Variants in RALGAPA2 observed in about 807,000 individuals in gnomAD.
RALGAPA2 encodes ral GTPase-activating protein subunit alpha-2.
In RALGAPA2, 139 loss-of-function variants were observed where a neutral mutation model predicts 230.4. The ratio of observed to expected loss-of-function variants is 0.60; its 90% CI spans 0.53 to 0.69. RALGAPA2 has a LOEUF of 0.69. Ranked by LOEUF, RALGAPA2 falls within the 30% of genes least tolerant of loss-of-function variation. The pLI, the probability that RALGAPA2 is intolerant of heterozygous loss-of-function variation, is 0.00. For synonymous variants in RALGAPA2, 847 were observed against 837.8 expected, an observed-to-expected ratio of 1.01 and a Z score of -0.19; for missense variants, 2,163 against 2,276.0, an observed-to-expected ratio of 0.95 and a Z score of 1.01.
chr20:20,645,781 C>G (rs1241322675), intron 4 of RALGAPA2, among the ~76,000 whole-genome samples: 2 of 152,070 alleles, frequency 1.3e-5, no homozygotes, highest in African/African-American at 4.8e-5. Context: ...CTCACTATGC[C>G]TGAGTTCTCT....
At chr20:20,442,730 T>A (rs926325645) in intron 37 of RALGAPA2, among the ~76,000 whole-genome samples, 2 of 152,192 alleles carry the variant, frequency 1.3e-5, no homozygotes, top group African/African-American at 4.8e-5. Context: ...GGTATTAGAA[T>A]GTGCTGATGA....
intron 3 of RALGAPA2, among the ~76,000 whole-genome samples, chr20:20,664,670 T>A (rs572463707): frequency 6.6e-6 from 1 of 152,332 alleles, no homozygotes; most frequent in East Asian, 1.9e-4. Flanking sequence ...CTAGCACTAG[T>A]TGGCCATCCG....
chr20:20,469,364 C>T (rs1412849495), intron 37 of RALGAPA2, among the ~76,000 whole-genome samples: 2 of 152,156 alleles, frequency 1.3e-5, no homozygotes, highest in Non-Finnish European at 2.9e-5. Flanking sequence ...AAATTCGTAG[C>T]AGAATTTAGC....
chr20:20,600,973 G>A (rs1005412018), intron 16 of RALGAPA2, among the ~76,000 whole-genome samples: 13 of 151,994 alleles, frequency 8.6e-5, no homozygotes, highest in Non-Finnish European at 1.8e-4. Flanking sequence ...CGTGGCACGC[G>A]CCTGTAATCT....
chr20:20,459,803 C>T (rs1039318631), intron 37 of RALGAPA2, among the ~76,000 whole-genome samples: 2 of 152,208 alleles, frequency 1.3e-5, no homozygotes, highest in Non-Finnish European at 2.9e-5. Flanking sequence ...ATGAGAGGTA[C>T]ACAAAAACGT....
chr20:20,696,940 T>G (rs557790657), intron 1 of RALGAPA2, among the ~76,000 whole-genome samples: 1 of 152,302 alleles, frequency 6.6e-6, no homozygotes, highest in East Asian at 1.9e-4. Context: ...CTCACTGTGT[T>G]GGCCAGGTTG....
intron 10 of RALGAPA2, among the ~76,000 whole-genome samples, chr20:20,629,153 G>T (rs749043520): frequency 2.6e-5 from 4 of 151,920 alleles, no homozygotes; most frequent in Non-Finnish European, 4.4e-5. Flanking sequence ...TAAATATTTT[G>T]CAACAACAAA....
At chr20:20,564,860 A>C (rs1035888222) in intron 23 of RALGAPA2, among the ~76,000 whole-genome samples, 1 of 152,214 alleles carries the variant, frequency 6.6e-6, no homozygotes, top group Non-Finnish European at 1.5e-5. Flanking sequence ...ACATTTTCCA[A>C]TTCTTAGAAA....
chr20:20,565,473 A>C (rs1222679953), intron 23 of RALGAPA2, among the ~76,000 whole-genome samples: 1 of 152,206 alleles, frequency 6.6e-6, no homozygotes, highest in Non-Finnish European at 1.5e-5. Context: ...CTGAGTCTTA[A>C]TGCTCACTGA....
At position 20,705,329 on chromosome 20, in the gene RALGAPA2, C is replaced by T. The variant is rs1023730190; in HGVS notation, c.106+7046G>A. ...CCAAGTGATCCTCCAGCCTCAGCCT[C>T]CCGAGGAGCTGGGACCACAGCACAT... On this transcript the variant is annotated intron_variant, in intron 1 of 39. Coordinates refer to ENST00000202677, the MANE Select transcript of RALGAPA2 (RefSeq NM_020343.4). Among the ~76,000 whole-genome samples the T allele has an allele frequency of 3.9e-5, 6 of 152,220 alleles. No individual in the cohort carries two copies. In the South Asian group the frequency reaches 8.3e-4, roughly 21 times the overall value.
At chr20:20,558,971 T>G (rs1260276214) in intron 23 of RALGAPA2, among the ~76,000 whole-genome samples, 1 of 152,176 alleles carries the variant, frequency 6.6e-6, no homozygotes, top group Non-Finnish European at 1.5e-5. Context: ...TGCCAGGATG[T>G]TTCCCAGCCT....
chr20:20,429,997 G>A (rs188650167), intron 37 of RALGAPA2, among the ~76,000 whole-genome samples: 9 of 152,330 alleles, frequency 5.9e-5, no homozygotes, highest in African/African-American at 2.2e-4. Flanking sequence ...CAGATAGCAG[G>A]GTTGAAGTCA....
At chr20:20,435,636 C>A (rs140272637) in intron 37 of RALGAPA2, among the ~76,000 whole-genome samples, 2 of 152,166 alleles carry the variant, frequency 1.3e-5, no homozygotes, top group African/African-American at 2.4e-5. Context: ...GGAGCATGTG[C>A]GTCTCTCCAC....
chr20:20,446,357 T>C (rs2060862136), intron 37 of RALGAPA2, among the ~76,000 whole-genome samples: 1 of 152,236 alleles, frequency 6.6e-6, no homozygotes, highest in Non-Finnish European at 1.5e-5. Flanking sequence ...AGATTATCAA[T>C]CTTTTGTTTT....
intron 27 of RALGAPA2, among the ~76,000 whole-genome samples, chr20:20,531,243 C>A (rs2063358786): frequency 6.6e-6 from 1 of 152,204 alleles, no homozygotes; most frequent in Non-Finnish European, 1.5e-5. Context: ...AATGGCAGTT[C>A]TTCTTCTCAT....
At chr20:20,518,314 C>A (rs541108792) in intron 31 of RALGAPA2, among the ~76,000 whole-genome samples, 14 of 152,314 alleles carry the variant, frequency 9.2e-5, no homozygotes, top group Admixed American at 2.0e-4. Context: ...CTTGGCCTCC[C>A]AAAGTGCTGG....
rs142616477 is a variant in RALGAPA2 at position 20,699,587 on chromosome 20, C to T, written c.106+12788G>A. On this transcript the variant is annotated intron_variant, in intron 1 of 39. Transcript: ENST00000202677. The stretch of plus-strand genomic sequence containing the variant: ...CCTCTCTTCCATGCAGTTCTGAAAA[C>T]ACTATCAAAGATTTCATTTAAAAAT... 4.6e-5 allele frequency among the ~76,000 whole-genome samples: 7 copies of T among 152,212 alleles called. No homozygotes were observed. In the East Asian group the frequency reaches 1.3e-3, roughly 29 times the overall value.
intron 37 of RALGAPA2, among the ~76,000 whole-genome samples, chr20:20,434,195 T>C (rs928704531): frequency 2.0e-5 from 3 of 152,152 alleles, no homozygotes; most frequent in East Asian, 1.9e-4. Flanking sequence ...TTAATACACA[T>C]GGTTAGTCTC....
At chr20:20,621,806 G>A (rs961074748) in intron 10 of RALGAPA2, among the ~76,000 whole-genome samples, 2 of 152,224 alleles carry the variant, frequency 1.3e-5, no homozygotes, top group African/African-American at 4.8e-5. Context: ...GGGAACAAGA[G>A]GGAGAGGTTC....
Sources: allele counts gnomAD v4.1 joint callset (sites outside exome capture counted in the v4.1 genomes callset), GRCh38; gene constraint gnomAD v4.1.1; transcripts MANE v1.5; gene names NCBI Gene and HGNC (gene_info 2026-07-23, HGNC 2026-07-21).